UNC13B: variants seen among roughly 807,000 people sequenced by gnomAD.
UNC13B encodes unc-13 homolog B.
UNC13B carries 144 observed loss-of-function variants against 211.0 expected under a neutral mutation model. The observed-to-expected ratio is 0.68, with a 90% CI of 0.60 to 0.78. The LOEUF is 0.78. UNC13B is among the 30% of genes least tolerant of loss of function. UNC13B has a pLI of 0.00. For synonymous variants in UNC13B, 709 were observed against 725.8 expected (o/e 0.98, Z 0.37); for missense variants, 1,777 against 2,002.0 (o/e 0.89, Z 2.14).
chr9:35,180,885 G>T (rs1400223529), intron 1 of UNC13B, among the ~76,000 whole-genome samples: 1 of 151,020 alleles, frequency 6.6e-6, no homozygotes, highest in Non-Finnish European at 1.5e-5. Flanking sequence ...CTTGAACCCA[G>T]GAGTTCCAGA....
rs1266054253 is a variant in UNC13B at position 35,399,400 on chromosome 9, G to A, written c.12207G>A (p.Gln4069=). ...ATTCCCTCTCTGCCCAGGGCACCCA[G>A]CTGATCTTCACTGCTGCCAAGGAGC... is the stretch of plus-strand genomic sequence containing the variant. The part of the protein sequence containing the change: ...LPPLTDQTGT[Q]LIFTAAKELS... The change falls in exon 35 of 40, where the codon CAG becomes CAA. Residue 4069 remains glutamine, a synonymous_variant. Coordinates refer to ENST00000635942, the MANE Select transcript of UNC13B (RefSeq NM_001371189.2). 1 of 1,614,078 alleles carries A rather than the reference G, an allele frequency of 6.2e-7. No homozygotes were observed. The highest frequency in any genetic ancestry group is 1.7e-5 in the Admixed American group (1 of 60,018).
intron 11 of UNC13B, among the ~76,000 whole-genome samples, chr9:35,362,242 A>T (rs1227571721): frequency 6.6e-6 from 1 of 152,076 alleles, no homozygotes; most frequent in Admixed American, 6.6e-5. Flanking sequence ...GAGTGATTGG[A>T]TAGGGACAGA....
chr9:35,330,706 T>C (rs1014448315), intron 11 of UNC13B, among the ~76,000 whole-genome samples: 2 of 152,246 alleles, frequency 1.3e-5, no homozygotes, highest in Non-Finnish European at 2.9e-5. Context: ...GACACATTTA[T>C]GGCCTGGATC....
At chr9:35,309,924 G>C (rs1362371125) in intron 9 of UNC13B, among the ~76,000 whole-genome samples, 1 of 152,170 alleles carries the variant, frequency 6.6e-6, no homozygotes, top group Non-Finnish European at 1.5e-5. Context: ...TTGCAGATGA[G>C]GAAACTGAGA....
intron 1 of UNC13B, among the ~76,000 whole-genome samples, chr9:35,165,378 G>A (rs1396217698): frequency 6.6e-6 from 1 of 151,636 alleles, no homozygotes; most frequent in African/African-American, 2.4e-5. Flanking sequence ...TTCTAAAGGG[G>A]ATATTGACCA....
chr9:35,162,027 C>G lies in UNC13B; in HGVS notation c.-257C>G. ...GGGAGGGAGTCCCGGCAGCTCCTAC[C>G]TCCCAGCGATGGCGTCGCTGTGCCG... On this transcript the variant is annotated 5_prime_UTR_variant, in exon 1 of 40. Coordinates refer to ENST00000635942, the MANE Select transcript of UNC13B (RefSeq NM_001371189.2). 3.7e-6 allele frequency: 2 copies of G among 547,568 alleles called. No individual in the cohort carries two copies. The highest frequency in any genetic ancestry group is 6.4e-6 in the Non-Finnish European group (2 of 314,664). 33.9% of individuals were successfully genotyped at this position (547,568 alleles called of 1,614,324 possible). A position where few individuals can be genotyped will look rare whatever the true frequency, so the allele number is the denominator to read the frequency against.
chr9:35,231,281 T>C, intron 3 of UNC13B, 62 bp downstream of exon 3: 1 of 1,047,696 alleles, frequency 9.5e-7, no homozygotes, highest in Non-Finnish European at 1.5e-6. Context: ...GGAATTGCAT[T>C]GGATGAAACA....
chr9:35,301,987 A>G lies in UNC13B; in HGVS notation c.2583A>G (p.Leu861=), dbSNP rs1039375875. 1.3e-5 allele frequency: 5 copies of G among 398,704 alleles called. No individual in the cohort carries two copies. Among genetic ancestry groups the G allele is most frequent in the Non-Finnish European group, 1.8e-5 (4 of 225,870 alleles). The allele number at this position is 398,704 out of a possible 1,614,324, so 24.7% of individuals were successfully genotyped here. A position where few individuals can be genotyped will look rare whatever the true frequency, so the allele number is the denominator to read the frequency against. Residue 861 remains leucine, a synonymous_variant, in exon 9 of 40, where the codon CTA becomes CTG. Coordinates refer to ENST00000635942, the MANE Select transcript of UNC13B (RefSeq NM_001371189.2). ...DGHSFSFSGK[L]NLPFFRSLGH... ...ATTCCTTTTCCTTTAGTGGAAAACT[A>G]AATCTTCCATTTTTTAGAAGTCTTG...
rs781447107 is a variant in UNC13B at position 35,396,876 on chromosome 9, A to C, written c.11471A>C (p.Glu3824Ala). Residue 3824 changes from glutamate to alanine, a missense_variant, in exon 28 of 40, where the codon GAG becomes GCG. Transcript: ENST00000635942. ...CAGTTCGTGCTACAATGGCTGGATGAGAATGAGGATGTATCCCTGGAATTC... is the reference window on the plus strand; with the variant it reads ...CAGTTCGTGCTACAATGGCTGGATGCGAATGAGGATGTATCCCTGGAATTC... ...FEQFVLQWLD[E>A]NEDVSLEFLR... 6.2e-7 allele frequency: 1 copy of C among 1,614,166 alleles called. No individual in the cohort carries two copies. Among genetic ancestry groups the C allele is most frequent in the Non-Finnish European group, 8.5e-7 (1 of 1,180,042 alleles).
intron 7 of UNC13B, among the ~76,000 whole-genome samples, chr9:35,278,496 A>T (rs1325799234): frequency 6.6e-6 from 1 of 152,094 alleles, no homozygotes; most frequent in Non-Finnish European, 1.5e-5. Flanking sequence ...CACTCTGCAG[A>T]TTCATCCACT....
At chr9:35,354,231 C>T (rs1014447599) in intron 11 of UNC13B, among the ~76,000 whole-genome samples, 1 of 152,250 alleles carries the variant, frequency 6.6e-6, no homozygotes, top group Non-Finnish European at 1.5e-5. Flanking sequence ...ACTAGAAGGG[C>T]TGAGAAAGAA....
chr9:35,177,756 C>G (rs1379267825), intron 1 of UNC13B, among the ~76,000 whole-genome samples: 1 of 151,876 alleles, frequency 6.6e-6, no homozygotes, highest in African/African-American at 2.4e-5. Context: ...GCCTTGCCCT[C>G]AAGAAATTGA....
chr9:35,381,447 A>G, intron 19 of UNC13B, 109 bp from the exon 20 acceptor site: 2 of 1,355,762 alleles, frequency 1.5e-6, no homozygotes, highest in South Asian at 3.0e-5. Context: ...CTGGAAGGAC[A>G]GAATTTCTGT....
Position 35,226,241 on chromosome 9 carries a change from C to G in UNC13B, c.23-1774C>G, listed in dbSNP as rs1174231863. On this transcript the variant is annotated intron_variant, in intron 1 of 39. Transcript: ENST00000635942. ...GTGCTTTAACAGCCCTCAGGTGATT[C>G]TAATGTATGCTCAAGCTTGAAATTC... 2.0e-5 allele frequency among the ~76,000 whole-genome samples: 3 copies of G among 152,094 alleles called. No homozygotes were observed. In the East Asian group the frequency reaches 5.8e-4, roughly 29 times the overall value.
chr9:35,353,083 T>C, intron 11 of UNC13B: 1 of 1,232,180 alleles, frequency 8.1e-7, no homozygotes, highest in Non-Finnish European at 1.0e-6. Context: ...GGCTTGCAGC[T>C]CTGAGCTGTG....
intron 11 of UNC13B, chr9:35,351,861 A>G (rs1197577298): frequency 2.4e-6 from 3 of 1,232,136 alleles, no homozygotes; most frequent in Non-Finnish European, 3.0e-6. Context: ...AGCTGTCAGG[A>G]GCCCTCAGAG....
At chr9:35,236,326 G>C in intron 3 of UNC13B, 143 bp from the exon 4 acceptor site, 1 of 644,150 alleles carries the variant, frequency 1.6e-6, no homozygotes, top group Middle Eastern at 3.9e-4. Flanking sequence ...GCCTAAAAAT[G>C]GTCGTGGCAT....
At chr9:35,237,676 C>T in intron 4 of UNC13B, 27 bp from the exon 5 acceptor site, 1 of 1,605,208 alleles carries the variant, frequency 6.2e-7, no homozygotes. Flanking sequence ...AAAGATTAAA[C>T]TTTAATCTTA....
At chr9:35,246,841 T>G (rs1826131886) in intron 6 of UNC13B, among the ~76,000 whole-genome samples, 1 of 152,208 alleles carries the variant, frequency 6.6e-6, no homozygotes, top group African/African-American at 2.4e-5. Context: ...TGGGCTCTTT[T>G]TTGGTTCCAT....
Sources: allele counts gnomAD v4.1 joint callset (sites outside exome capture counted in the v4.1 genomes callset), GRCh38; gene constraint gnomAD v4.1.1; transcripts MANE v1.5; gene names NCBI Gene and HGNC (gene_info 2026-07-23, HGNC 2026-07-21).